Variants in ARID2 observed in about 807,000 individuals in gnomAD.
ARID2 encodes the protein AT-rich interactive domain-containing protein 2.
Under a neutral mutation model 184.6 loss-of-function variants are expected in ARID2, and 32 were observed. That is an observed-to-expected ratio of 0.17 (90% CI 0.13 to 0.23). The LOEUF is 0.23. Ranked by LOEUF, ARID2 falls within the 10% of genes least tolerant of loss-of-function variation. The pLI is 1.00. For missense variants in ARID2, 1,696 were observed against 2,197.6 expected, an observed-to-expected ratio of 0.77 and a Z score of 4.56; for synonymous variants, 836 against 772.6, an observed-to-expected ratio of 1.08 and a Z score of -1.36.
At chr12:45,793,298 TA>T (rs76878100) in intron 3 of ARID2, among the ~76,000 whole-genome samples, 29 of 147,126 alleles carry the variant, frequency 2.0e-4, no homozygotes, top group Admixed American at 5.4e-4. Flanking sequence ...GAACCTCCAT[TA>T]AAAAAAAAAG....
intron 13 of ARID2, among the ~76,000 whole-genome samples, chr12:45,849,302 G>A (rs1320538255): frequency 8.6e-5 from 13 of 151,976 alleles, no homozygotes; most frequent in East Asian, 1.9e-4. Context: ...AAGACTTTTT[G>A]ATATTTTGCA....
chr12:45,837,038 T>C (rs2138129077), intron 8 of ARID2, 47 bp downstream of exon 8: 3 of 1,574,448 alleles, frequency 1.9e-6, no homozygotes, highest in Non-Finnish European at 2.6e-6. Flanking sequence ...GTTAGCAACA[T>C]TTATGTTACA....
Position 45,729,907 on chromosome 12 carries a change from G to T in ARID2, c.71G>T (p.Arg24Leu), listed in dbSNP as rs994735646. ...RKGLAFLDEL[R>L]QFHHSRGSPF... ...GGACTCGCTTTCCTGGACGAGCTGC[G>T]GCAGTTCCACCACAGCAGAGGGTGA... Residue 24 changes from arginine (R) to leucine (L), a missense_variant, in exon 1 of 21, where the codon CGG becomes CTG. Coordinates refer to ENST00000334344, the MANE Select transcript of ARID2 (RefSeq NM_152641.4). 3.5e-5 allele frequency: 56 copies of T among 1,610,182 alleles called. No individual in the cohort carries two copies. Among genetic ancestry groups the T allele is most frequent in the Non-Finnish European group, 4.8e-5 (56 of 1,178,556 alleles).
rs368196683 is a variant in ARID2 at position 45,846,972 on chromosome 12, G to A, written c.1580+35G>A. The A allele has an allele frequency of 4.2e-5, 66 of 1,575,046 alleles. No homozygotes were observed. The African/African-American group carries it at 8.0e-4, about 19-fold the overall frequency. On this transcript the variant is annotated intron_variant, in intron 12 of 20. Transcript: ENST00000334344. Reference sequence around the variant, plus strand: ...TTATTTCTATTAAGGATTTATCCTTGGGAGGAGTAAAGCAAAGAAAAAAAG... The same window carrying A: ...TTATTTCTATTAAGGATTTATCCTTAGGAGGAGTAAAGCAAAGAAAAAAAG...
In ARID2 at chr12:45,797,074, A is replaced by T. The variant is rs571892717; in HGVS notation, c.285-14344A>T. Among the ~76,000 whole-genome samples, 23 of 152,264 alleles carry T rather than the reference A, an allele frequency of 1.5e-4. No individual in the cohort carries two copies. The South Asian group carries it at 3.5e-3, about 23-fold the overall frequency. On this transcript the variant is annotated intron_variant, in intron 3 of 20. Transcript: ENST00000334344. ...TTACTTTGTTTTAAAAAATCATGTC[A>T]TTGCTCATTTTAAAAATTATAATAT... is the stretch of plus-strand genomic sequence containing the variant.
At chr12:45,837,206 T>C in intron 8 of ARID2, 115 bp from the exon 9 acceptor site, 1 of 1,154,644 alleles carries the variant, frequency 8.7e-7, no homozygotes, top group Non-Finnish European at 1.2e-6. Flanking sequence ...ATTTTTACAA[T>C]AACATTTTTT....
At chr12:45,820,810 A>G (rs1942882308) in intron 5 of ARID2, among the ~76,000 whole-genome samples, 1 of 152,202 alleles carries the variant, frequency 6.6e-6, no homozygotes, top group South Asian at 2.1e-4. Context: ...AGTGAGGGCC[A>G]CATGTGGATG....
intron 6 of ARID2, among the ~76,000 whole-genome samples, chr12:45,825,975 G>T (rs1040951854): frequency 6.6e-6 from 1 of 152,004 alleles, no homozygotes; most frequent in Non-Finnish European, 1.5e-5. Flanking sequence ...TACAGGCTTG[G>T]TTTCTAACGT....
chr12:45,821,438 C>T lies in ARID2; in HGVS notation c.656C>T (p.Thr219Ile). 1 of 1,522,838 alleles carries T rather than the reference C, an allele frequency of 6.6e-7. No homozygotes were observed. The highest frequency in any genetic ancestry group is 8.8e-7 in the Non-Finnish European group (1 of 1,141,848). The allele number at this position is 1,522,838 out of a possible 1,614,324, so 94.3% of individuals were successfully genotyped here. ...VFDDTLGSFSTVFGEEWKEKT... is the reference protein window; with the variant it reads ...VFDDTLGSFSIVFGEEWKEKT... ...TTTTTAGCTTTAGGATCCTTTTCCACTGTATTTGGAGAAGAATGGAAAGAG... is the reference window on the plus strand; with the variant it reads ...TTTTTAGCTTTAGGATCCTTTTCCATTGTATTTGGAGAAGAATGGAAAGAG... The change falls in exon 6 of 21, where the codon ACT (threonine) becomes ATT (isoleucine). Residue 219 changes from threonine to isoleucine, a missense_variant. Coordinates refer to ENST00000334344, the MANE Select transcript of ARID2 (RefSeq NM_152641.4).
At chr12:45,867,482 C>T (rs1283066043) in intron 16 of ARID2, among the ~76,000 whole-genome samples, 2 of 149,608 alleles carry the variant, frequency 1.3e-5, no homozygotes, top group African/African-American at 4.9e-5. Flanking sequence ...GTGGCTCATG[C>T]CTGTAATCCC....
chr12:45,786,629 A>T (rs565938518), intron 3 of ARID2, among the ~76,000 whole-genome samples: 36 of 152,240 alleles, frequency 2.4e-4, no homozygotes, highest in Non-Finnish European at 4.4e-4. Context: ...CAGCGATCCA[A>T]CTACTGGATA....
chr12:45,777,583 T>G (rs1415857307), intron 3 of ARID2, among the ~76,000 whole-genome samples: 1 of 151,930 alleles, frequency 6.6e-6, no homozygotes, highest in Non-Finnish European at 1.5e-5. Context: ...GTAAGTCAAA[T>G]TTTTTATATG....
intron 3 of ARID2, among the ~76,000 whole-genome samples, chr12:45,781,284 A>G (rs1025972376): frequency 2.0e-4 from 29 of 147,248 alleles, no homozygotes; most frequent in Admixed American, 7.6e-4. Flanking sequence ...AGTCATCTCA[A>G]AGTTTGACTA....
At chr12:45,848,231 G>A (rs1271453010) in intron 12 of ARID2, among the ~76,000 whole-genome samples, 2 of 151,842 alleles carry the variant, frequency 1.3e-5, no homozygotes, top group South Asian at 2.1e-4. Flanking sequence ...CAATTTATAG[G>A]TAAAGGTCAT....
At chr12:45,854,683 A>G (rs1943613086) in intron 15 of ARID2, among the ~76,000 whole-genome samples, 1 of 152,194 alleles carries the variant, frequency 6.6e-6, no homozygotes, top group Non-Finnish European at 1.5e-5. Context: ...AATTAGAGAA[A>G]AACTCCATCT....
At chr12:45,758,274 A>G (rs1055119436) in intron 3 of ARID2, among the ~76,000 whole-genome samples, 1 of 152,224 alleles carries the variant, frequency 6.6e-6, no homozygotes, top group Non-Finnish European at 1.5e-5. Flanking sequence ...TAATAACTCT[A>G]TACAACAAGC....
chr12:45,797,315 A>C (rs1267092756), intron 3 of ARID2, among the ~76,000 whole-genome samples: 1 of 152,072 alleles, frequency 6.6e-6, no homozygotes, highest in East Asian at 1.9e-4. Context: ...GCTCACTGCA[A>C]CCTCTGCCTC....
At position 45,851,089 on chromosome 12, in the gene ARID2, C is replaced by T. The variant is rs766470086; in HGVS notation, c.2966C>T (p.Ser989Leu). The T allele has an allele frequency of 3.1e-5, 50 of 1,613,990 alleles. No individual in the cohort carries two copies. Among genetic ancestry groups the T allele is most frequent in the African/African-American group, 2.0e-4 (15 of 74,912 alleles). The change falls in exon 15 of 21, where the codon TCG (serine) becomes TTG (leucine). Residue 989 changes from serine (S) to leucine (L), a missense_variant. Physicochemically the swap from Ser to Leu is moderately radical, Grantham distance 145. Coordinates refer to ENST00000334344, the MANE Select transcript of ARID2 (RefSeq NM_152641.4). ...AATAACCAAGTCCCTACTGCCATGT[C>T]GTCGTCCTCTACCCCTCAATCACAG... ...ATNNQVPTAM[S>L]SSSTPQSQGP...
chr12:45,731,809 A>G lies in ARID2; in HGVS notation c.284+495A>G, dbSNP rs572014788. ...TTTCAGTAGAATATTCCTACATGGCATAACATGTTGGTGGCTTAGGTGACC... is the reference window on the plus strand; with the variant it reads ...TTTCAGTAGAATATTCCTACATGGCGTAACATGTTGGTGGCTTAGGTGACC... On this transcript the variant is annotated intron_variant, in intron 3 of 20. Coordinates refer to ENST00000334344, the MANE Select transcript of ARID2 (RefSeq NM_152641.4). 1.8e-4 allele frequency among the ~76,000 whole-genome samples: 28 copies of G among 152,066 alleles called. 1 individual carries two copies. In the South Asian group the frequency reaches 5.6e-3, roughly 30 times the overall value.
Sources: gnomAD v4.1 joint callset for allele counts (sites outside exome capture counted in the v4.1 genomes callset) on GRCh38, gnomAD v4.1.1 for gene constraint, MANE v1.5 for transcripts, NCBI Gene and HGNC (gene_info 2026-07-23, HGNC 2026-07-21) for gene names.